Variants in SYNCRIP observed in about 807,000 individuals in gnomAD.
SYNCRIP encodes the protein synaptotagmin binding cytoplasmic RNA interacting protein, also known as heterogeneous nuclear ribonucleoprotein Q.
A neutral mutation model predicts 68.9 loss-of-function variants in SYNCRIP; 9 were observed. The ratio of observed to expected loss-of-function variants is 0.13; its 90% CI spans 0.08 to 0.23. SYNCRIP has a LOEUF of 0.23. Ranked by LOEUF, SYNCRIP falls within the 10% of genes least tolerant of loss-of-function variation. SYNCRIP has a pLI of 1.00. For synonymous variants in SYNCRIP, 258 were observed against 254.0 expected, an observed-to-expected ratio of 1.02 and a Z score of -0.15; for missense variants, 414 against 770.6, an observed-to-expected ratio of 0.54 and a Z score of 5.48.
In SYNCRIP at chr6:85,636,955, A is replaced by G. The variant is rs767277625; in HGVS notation, c.666+12T>C. On this transcript the variant is annotated intron_variant, in intron 6 of 10. Coordinates refer to ENST00000369622, the MANE Select transcript of SYNCRIP (RefSeq NM_006372.5). ...GAACGTGAAAACTGAAGGGGAAAAAAGGACAACTTACCAGTTTAACAGCCT... is the reference window on the plus strand; with the variant it reads ...GAACGTGAAAACTGAAGGGGAAAAAGGGACAACTTACCAGTTTAACAGCCT... The G allele has an allele frequency of 6.4e-7, 1 of 1,570,862 alleles. No homozygotes were observed.
rs374984693 is a variant in SYNCRIP at position 85,639,632 on chromosome 6, T to C, written c.375+589A>G. Reference sequence around the variant, plus strand: ...AAAGTAATACAATCACCACATTGTCTATAAATTAGAAAACTCACCAATATA... The same window carrying C: ...AAAGTAATACAATCACCACATTGTCCATAAATTAGAAAACTCACCAATATA... On this transcript the variant is annotated intron_variant, in intron 4 of 10. Coordinates refer to ENST00000369622, the MANE Select transcript of SYNCRIP (RefSeq NM_006372.5). Among the ~76,000 whole-genome samples, 43 of 152,164 alleles carry C rather than the reference T, an allele frequency of 2.8e-4. 1 individual carries two copies. Among genetic ancestry groups the C allele is most frequent in the African/African-American group, 9.9e-4 (41 of 41,424 alleles).
At chr6:85,636,794 C>T (rs541527302) in intron 6 of SYNCRIP, among the ~76,000 whole-genome samples, 173 bp downstream of exon 6, 25 of 152,184 alleles carry the variant, frequency 1.6e-4, no homozygotes, top group Non-Finnish European at 2.8e-4. Context: ...ATCCTATCAA[C>T]TATACATGCA....
downstream of SYNCRIP, chr6:85,611,245 AAC>A (rs1805214727): frequency 1.3e-5 from 2 of 152,418 alleles, no homozygotes; most frequent in African/African-American, 2.4e-5. Flanking sequence ...TTTCTACACT[AAC>A]ACACATTTAT....
chr6:85,643,447 TC>T (rs1350932997), upstream of SYNCRIP, among the ~76,000 whole-genome samples: 18 of 151,066 alleles, frequency 1.2e-4, no homozygotes, highest in Non-Finnish European at 2.2e-4. Flanking sequence ...ACCCCGCCCT[TC>T]CGCTCCGACG....
At position 85,615,047 on chromosome 6, in the gene SYNCRIP, T is replaced by A. The variant is rs151234610; in HGVS notation, c.1581A>T (p.Gly527=). ...PRGRAGYSQR[G]GPGSARGVRG... The stretch of plus-strand genomic sequence containing the variant: ...GAACGCCTCTTGCTGATCCAGGACC[T>A]CCTCTCTGTGAATAACCGGCTCTAC... The change falls in exon 11 of 11, where the codon GGA becomes GGT. Residue 527 remains glycine (G), a synonymous_variant. Transcript: ENST00000369622. 1.5e-5 allele frequency: 24 copies of A among 1,613,984 alleles called. No homozygotes were observed. Among genetic ancestry groups the A allele is most frequent in the Non-Finnish European group, 1.9e-5 (23 of 1,180,002 alleles).
chr6:85,643,274 C>T (rs941008894), upstream of SYNCRIP: 1 of 152,394 alleles, frequency 6.6e-6, no homozygotes, highest in African/African-American at 2.4e-5. Context: ...CACTCTCGGC[C>T]CGGTCCCCCA....
At chr6:85,621,970 G>A (rs1430641347) in intron 8 of SYNCRIP, among the ~76,000 whole-genome samples, 3 of 148,648 alleles carry the variant, frequency 2.0e-5, no homozygotes, top group Non-Finnish European at 4.4e-5. Flanking sequence ...AAGTATCCAC[G>A]CATCAATTTC....
intron 8 of SYNCRIP, among the ~76,000 whole-genome samples, chr6:85,621,646 AAT>A (rs1161409058): frequency 6.6e-6 from 1 of 151,992 alleles, no homozygotes; most frequent in Non-Finnish European, 1.5e-5. Context: ...GGATAGAACA[AAT>A]AACTGCAAAT....
chr6:85,608,160 C>G (rs1161002612), downstream of SYNCRIP: 1 of 152,012 alleles, frequency 6.6e-6, no homozygotes, highest in African/African-American at 2.4e-5. Context: ...GTGATTGCAA[C>G]TGAGGATATC....
chr6:85,611,384 CAT>C (rs1230971876), downstream of SYNCRIP: 4 of 152,540 alleles, frequency 2.6e-5, no homozygotes, highest in Admixed American at 2.6e-4. Context: ...GCATTTTGAA[CAT>C]ATGACATGTC....
At position 85,635,792 on chromosome 6, in the gene SYNCRIP, A is replaced by AG. The variant is rs1271785872; in HGVS notation, c.666+1174_666+1175insC. 4.6e-5 allele frequency among the ~76,000 whole-genome samples: 7 copies of AG among 151,402 alleles called. No individual in the cohort carries two copies. The East Asian group carries it at 1.2e-3, about 25-fold the overall frequency. ...TATCTCCCAAAAAAAAAAAAAAAAA[A>AG]AAAAAGAAAAGGAAGACTTATGAGT... On this transcript the variant is annotated intron_variant, in intron 6 of 10. Transcript: ENST00000369622.
chr6:85,618,389 A>C (rs1292296706), intron 10 of SYNCRIP, among the ~76,000 whole-genome samples: 8 of 151,720 alleles, frequency 5.3e-5, no homozygotes, highest in African/African-American at 9.7e-5. Flanking sequence ...AAAAAAAAAA[A>C]CACAAAAATT....
Position 85,617,220 on chromosome 6 carries a change from T to C in SYNCRIP, c.1280+1598A>G, listed in dbSNP as rs114060779. ...CTTAAAAAAAAAAAAAAAAAGACTGTAGCAAGTTAAAGTACGAAAGTAACA... is the reference window on the plus strand; with the variant it reads ...CTTAAAAAAAAAAAAAAAAAGACTGCAGCAAGTTAAAGTACGAAAGTAACA... On this transcript the variant is annotated intron_variant, in intron 10 of 10. Coordinates refer to ENST00000369622, the MANE Select transcript of SYNCRIP (RefSeq NM_006372.5). 3.1e-3 allele frequency among the ~76,000 whole-genome samples: 476 copies of C among 151,218 alleles called. 2 individuals carry two copies. Among genetic ancestry groups the C allele is most frequent in the African/African-American group, 0.011 (463 of 41,204 alleles).
chr6:85,641,561 T>C (rs1339903713), intron 1 of SYNCRIP, 110 bp from the exon 2 acceptor site: 7 of 1,070,520 alleles, frequency 6.5e-6, no homozygotes, highest in East Asian at 2.6e-5. Context: ...AGCTAGCCTA[T>C]ACCTCCCTTT....
rs569882732 is a variant in SYNCRIP at position 85,642,200 on chromosome 6, G to T, written c.-13+597C>A. On this transcript the variant is annotated intron_variant, in intron 1 of 10. Coordinates refer to ENST00000369622, the MANE Select transcript of SYNCRIP (RefSeq NM_006372.5). ...GAGGCACCGGCGGCGCCAGGCCACA[G>T]GCTCTCCCCGCCCCCCAGCGCCGCC... 1.5e-3 allele frequency among the ~76,000 whole-genome samples: 235 copies of T among 152,248 alleles called. 1 individual carries two copies. The highest frequency in any genetic ancestry group is 0.01 in the Middle Eastern group (3 of 292).
At chr6:85,623,813 G>A (rs1806731674) in intron 7 of SYNCRIP, among the ~76,000 whole-genome samples, 164 bp downstream of exon 7, 1 of 152,236 alleles carries the variant, frequency 6.6e-6, no homozygotes, top group South Asian at 2.1e-4. Flanking sequence ...ATCCCTGAAT[G>A]CCTGTTCTTC....
intron 8 of SYNCRIP, among the ~76,000 whole-genome samples, chr6:85,620,271 A>C (rs987665231): frequency 5.3e-5 from 8 of 152,216 alleles, no homozygotes; most frequent in African/African-American, 1.9e-4. Flanking sequence ...AAATTTCCAA[A>C]AATTGGAAGA....
downstream of SYNCRIP, chr6:85,612,389 T>C (rs956193532): frequency 6.6e-6 from 1 of 152,292 alleles, no homozygotes; most frequent in African/African-American, 2.4e-5. Context: ...AAGTGATCAC[T>C]ATAAAAAAGA....
In SYNCRIP at chr6:85,640,554, T is replaced by C. The variant is rs1287819478; in HGVS notation, c.159A>G (p.Ala53=). The change falls in exon 3 of 11, where the codon GCA becomes GCG. Residue 53 remains alanine (A), a synonymous_variant. Coordinates refer to ENST00000369622, the MANE Select transcript of SYNCRIP (RefSeq NM_006372.5). Reference sequence around the variant, plus strand: ...TAGCTCTTTCATCTAAATCACTATGTGCAACTAGCCCTGAAAAAAATAAAA... The same window carrying C: ...TAGCTCTTTCATCTAAATCACTATGCGCAACTAGCCCTGAAAAAAATAAAA... The part of the protein sequence containing the change: ...LDEIYVAGLV[A]HSDLDERAIE... 1.9e-6 allele frequency: 3 copies of C among 1,577,444 alleles called. No individual in the cohort carries two copies. In the Admixed American group the frequency reaches 5.9e-5, roughly 31 times the overall value.
Sources: allele counts gnomAD v4.1 joint callset (sites outside exome capture counted in the v4.1 genomes callset), GRCh38; gene constraint gnomAD v4.1.1; transcripts MANE v1.5; gene names NCBI Gene and HGNC (gene_info 2026-07-23, HGNC 2026-07-21).